LRP4: variants seen among roughly 807,000 people sequenced by gnomAD.
The protein encoded by LRP4 is LDL receptor related protein 4.
In LRP4, 95 loss-of-function variants were observed where a neutral mutation model predicts 220.3. That is an observed-to-expected ratio of 0.43 (90% CI 0.37 to 0.51). LRP4 has a LOEUF of 0.51. Among genes scored for constraint, LRP4 ranks in the 20% least tolerant of loss-of-function variants. The pLI is 0.00. For synonymous variants in LRP4, 903 were observed against 954.6 expected (o/e 0.95, Z 1.00); for missense variants, 1,925 against 2,567.0 (o/e 0.75, Z 5.40).
intron 15 of LRP4, 99 bp from the exon 16 acceptor site, chr11:46,889,632 G>T: frequency 1.3e-6 from 2 of 1,505,486 alleles, no homozygotes; most frequent in South Asian, 2.3e-5. Flanking sequence ...GTTCCCTGAA[G>T]GGAGAAACTA....
At chr11:46,917,894 A>G (rs1367361748) in intron 1 of LRP4, among the ~76,000 whole-genome samples, 1 of 152,050 alleles carries the variant, frequency 6.6e-6, no homozygotes, top group East Asian at 1.9e-4. Context: ...CCGAGCCCCC[A>G]GCCCCAGGAA....
At chr11:46,886,221 C>A (rs1941289768) in intron 17 of LRP4, 49 bp from the exon 18 acceptor site, 1 of 1,599,018 alleles carries the variant, frequency 6.3e-7, no homozygotes, top group South Asian at 1.1e-5. Context: ...CACTCTAGTT[C>A]TGGAGCCCAA....
chr11:46,896,640 T>C (rs907058601), intron 8 of LRP4, among the ~76,000 whole-genome samples: 1 of 152,228 alleles, frequency 6.6e-6, no homozygotes. Flanking sequence ...CCTTCCTCAC[T>C]AGACCAGAGC....
At position 46,865,210 on chromosome 11, in the gene LRP4, G is replaced by A. The variant is rs771460265; in HGVS notation, c.5088-24C>T. ...ATCTGTGGGGCACAGAAAACTGGAT[G>A]TGAAGCCTACTCATACTCAGTGAAG... On this transcript the variant is annotated intron_variant, in intron 34 of 37. Transcript: ENST00000378623. The A allele has an allele frequency of 1.2e-5, 18 of 1,528,620 alleles. No homozygotes were observed. In the East Asian group the frequency reaches 2.4e-4, roughly 21 times the overall value. The allele number at this position is 1,528,620 out of a possible 1,614,324, so 94.7% of individuals were successfully genotyped here.
At chr11:46,902,983 CCATT>C in intron 1 of LRP4, 54 bp from the exon 2 acceptor site, 2 of 1,611,646 alleles carry the variant, frequency 1.2e-6, no homozygotes, top group Middle Eastern at 3.3e-4. Context: ...CAACCCAAGC[CCATT>C]CCGAGGGGAA....
chr11:46,887,030 C>T (rs7118028), intron 16 of LRP4, among the ~76,000 whole-genome samples: 1 of 152,134 alleles, frequency 6.6e-6, no homozygotes, highest in Non-Finnish European at 1.5e-5. Flanking sequence ...CCAAGCCTCT[C>T]TCGTGTGTTA....
At chr11:46,881,457 C>T (rs948710948) in intron 20 of LRP4, among the ~76,000 whole-genome samples, 2 of 152,180 alleles carry the variant, frequency 1.3e-5, no homozygotes, top group Admixed American at 1.3e-4. Flanking sequence ...CCCCAGCTCA[C>T]AATCCACACA....
At chr11:46,914,739 C>A (rs1160857252) in intron 1 of LRP4, among the ~76,000 whole-genome samples, 2 of 152,224 alleles carry the variant, frequency 1.3e-5, no homozygotes, top group Non-Finnish European at 2.9e-5. Context: ...CCTAGTCAAC[C>A]AAGGGCACAG....
At position 46,879,048 on chromosome 11, in the gene LRP4, G is replaced by C. The variant is rs1245521667; in HGVS notation, c.3005-10C>G. ...GCACATGGTGTAGACACTGGGTAGA[G>C]AGGAGGGGATGTTCAATGGGGAGAG... On this transcript the variant is annotated splice_polypyrimidine_tract_variant and intron_variant, in intron 21 of 37. Coordinates refer to ENST00000378623, the MANE Select transcript of LRP4 (RefSeq NM_002334.4). 1 of 1,614,258 alleles carries C rather than the reference G, an allele frequency of 6.2e-7. No individual in the cohort carries two copies. The highest frequency in any genetic ancestry group is 8.5e-7 in the Non-Finnish European group (1 of 1,180,040).
Position 46,899,378 on chromosome 11 carries a change from G to A in LRP4, c.547+9C>T. 1.2e-6 allele frequency: 2 copies of A among 1,604,744 alleles called. No homozygotes were observed. The highest frequency in any genetic ancestry group is 1.7e-6 in the Non-Finnish European group (2 of 1,171,474). On this transcript the variant is annotated intron_variant, in intron 5 of 37. Transcript: ENST00000378623. This position sits in a 1 kb window ranked among gnomAD's most constrained non-coding sequence, Gnocchi z 5.9. ...CCAACCCAACAGCCTGAGGTCTGGG[G>A]CCACTCACGACAGTTCTCCTCATCG...
intron 10 of LRP4, 23 bp from the exon 11 acceptor site, chr11:46,895,314 G>T (rs771226782): frequency 6.2e-7 from 1 of 1,610,480 alleles, no homozygotes; most frequent in Non-Finnish European, 8.5e-7. Context: ...GGCAGGTCAA[G>T]AGATCTCCCT....
chr11:46,860,308 A>G (rs1431624080), intron 37 of LRP4, among the ~76,000 whole-genome samples: 2 of 152,066 alleles, frequency 1.3e-5, no homozygotes, highest in Non-Finnish European at 2.9e-5. Context: ...CTAAACGTCA[A>G]TATAGTGGGG....
chr11:46,860,280 A>T (rs2134753772), intron 37 of LRP4, among the ~76,000 whole-genome samples: 1 of 151,894 alleles, frequency 6.6e-6, no homozygotes, highest in Non-Finnish European at 1.5e-5. Context: ...AAAAAAAGGA[A>T]ATCTTCTTAT....
intron 1 of LRP4, among the ~76,000 whole-genome samples, chr11:46,907,401 C>T (rs951896517): frequency 3.9e-5 from 6 of 152,184 alleles, no homozygotes; most frequent in Admixed American, 3.3e-4. Flanking sequence ...CTCATCTCTC[C>T]CACTCCCGCC....
In LRP4 at chr11:46,859,071, T is replaced by A. The variant is rs769047003; in HGVS notation, c.5630A>T (p.His1877Leu). The A allele has an allele frequency of 6.2e-7, 1 of 1,614,162 alleles. No individual in the cohort carries two copies. The highest frequency in any genetic ancestry group is 8.5e-7 in the Non-Finnish European group (1 of 1,180,020). The change falls in exon 38 of 38, where the codon CAT becomes CTT. Residue 1877 changes from histidine to leucine, a missense_variant. Transcript: ENST00000378623. ...TCGTCTTTCTGGAGTGGCTGCAGTA[T>A]GGACGCTGCTACACTCAGACTGCTC... ...QEEQSECSSV[H>L]TAATPERRGS...
At chr11:46,917,581 G>C (rs1271911895) in intron 1 of LRP4, among the ~76,000 whole-genome samples, 1 of 152,134 alleles carries the variant, frequency 6.6e-6, no homozygotes, top group Admixed American at 6.5e-5. Flanking sequence ...CAGGGTTACC[G>C]GCCCCCTGCC....
At chr11:46,866,807 C>T (rs1393229133) in intron 34 of LRP4, among the ~76,000 whole-genome samples, 6 of 152,034 alleles carry the variant, frequency 3.9e-5, no homozygotes. Context: ...ATAGTCCCGG[C>T]TACCTGGGTG....
chr11:46,881,638 G>T, intron 20 of LRP4, 64 bp downstream of exon 20: 1 of 1,486,766 alleles, frequency 6.7e-7, no homozygotes, highest in Non-Finnish European at 9.4e-7. Context: ...TGTCCTGGAG[G>T]CTGTCAAGGC....
chr11:46,865,616 A>G (rs1275389388), intron 34 of LRP4, among the ~76,000 whole-genome samples: 1 of 152,222 alleles, frequency 6.6e-6, no homozygotes, highest in Non-Finnish European at 1.5e-5. Context: ...TCATTCTTTC[A>G]CAAGGGAATA....
Sources: gnomAD v4.1 joint callset for allele counts (sites outside exome capture counted in the v4.1 genomes callset) on GRCh38, gnomAD v4.1.1 for gene constraint, Gnocchi (gnomAD v3.1) non-coding constraint, MANE v1.5 for transcripts, NCBI Gene and HGNC (gene_info 2026-07-23, HGNC 2026-07-21) for gene names.